The following AXDND1 variants were observed in gnomAD, a reference collection of about 807,000 sequenced individuals.
AXDND1 encodes axonemal dynein light chain domain containing 1, also known as axonemal dynein light chain domain-containing protein 1.
Under a neutral mutation model 137.5 loss-of-function variants are expected in AXDND1, and 110 were observed. That is an observed-to-expected ratio of 0.80 (90% CI 0.69 to 0.94). AXDND1 has a LOEUF of 0.94. Among genes scored for constraint, AXDND1 ranks in the 40% least tolerant of loss-of-function variants. The pLI, the probability that AXDND1 is intolerant of heterozygous loss-of-function variation, is 0.00. For missense variants in AXDND1, 1,191 were observed against 1,169.8 expected (o/e 1.02, Z -0.26); for synonymous variants, 414 against 399.7 (o/e 1.04, Z -0.43).
intron 16 of AXDND1, among the ~76,000 whole-genome samples, chr1:179,461,012 T>C (rs1662244289): frequency 6.6e-6 from 1 of 152,238 alleles, no homozygotes; most frequent in East Asian, 1.9e-4. Context: ...GCTTGTTCAC[T>C]CTGATGGTAG....
intron 2 of AXDND1, among the ~76,000 whole-genome samples, chr1:179,368,454 G>A (rs1010814033): frequency 2.0e-5 from 3 of 152,042 alleles, no homozygotes; most frequent in African/African-American, 7.2e-5. Context: ...CATATGAAAG[G>A]GAAAATAGAC....
chr1:179,389,689 C>T (rs577656064), intron 9 of AXDND1, among the ~76,000 whole-genome samples: 106 of 152,188 alleles, frequency 7.0e-4, no homozygotes, highest in African/African-American at 2.3e-3. Context: ...TGTTTTTCAT[C>T]CCTAGAGTCT....
At chr1:179,485,743 G>C (rs61826059) in intron 18 of AXDND1, among the ~76,000 whole-genome samples, 1 of 149,326 alleles carries the variant, frequency 6.7e-6, no homozygotes, top group African/African-American at 2.5e-5. Context: ...GATCATCAAC[G>C]TACAAGAAAG....
At chr1:179,367,640 G>A (rs1200242691) in intron 2 of AXDND1, among the ~76,000 whole-genome samples, 1 of 152,148 alleles carries the variant, frequency 6.6e-6, no homozygotes, top group East Asian at 1.9e-4. Flanking sequence ...GGCAGGCTGA[G>A]GCAGGAGAAT....
chr1:179,490,065 T>C (rs1189193944), intron 18 of AXDND1, among the ~76,000 whole-genome samples: 1 of 152,170 alleles, frequency 6.6e-6, no homozygotes, highest in Non-Finnish European at 1.5e-5. Context: ...ATTTTATTTT[T>C]ATTCATTCAT....
intron 16 of AXDND1, chr1:179,449,246 A>C (rs530876989): frequency 2.5e-5 from 10 of 396,718 alleles, no homozygotes; most frequent in Middle Eastern, 3.6e-4. Flanking sequence ...TTGCATGTGG[A>C]TGTTCAGTTG....
At chr1:179,411,519 G>A (rs1389241344) in intron 12 of AXDND1, among the ~76,000 whole-genome samples, 1 of 151,490 alleles carries the variant, frequency 6.6e-6, no homozygotes, top group African/African-American at 2.4e-5. Context: ...CTGTTTTGCA[G>A]TTTTCAATAA....
chr1:179,405,338 T>A (rs961536749), intron 11 of AXDND1, among the ~76,000 whole-genome samples: 7 of 152,220 alleles, frequency 4.6e-5, no homozygotes, highest in African/African-American at 1.7e-4. Flanking sequence ...ACATTTGGGT[T>A]GGTTCCAAAT....
chr1:179,550,745 T>C lies in AXDND1; in HGVS notation c.3032-3767T>C, dbSNP rs1060775. On this transcript the variant is annotated intron_variant, in intron 25 of 25. Transcript: ENST00000367618. ...ATCATTGGAGAGAAGACTGCATCTTTGGGACAGAAGAGCAATAGAGTGTGA... is the reference window on the plus strand; with the variant it reads ...ATCATTGGAGAGAAGACTGCATCTTCGGGACAGAAGAGCAATAGAGTGTGA... 0.91 allele frequency: 200,658 copies of C among 220,034 alleles called. 91,734 individuals are homozygous for C. Among genetic ancestry groups the C allele is most frequent in the East Asian group, 0.96 (9,110 of 9,448 alleles). The allele number at this position is 220,034 out of a possible 1,614,324, so 13.6% of individuals were successfully genotyped here. A position where few individuals can be genotyped will look rare whatever the true frequency, so the allele number is the denominator to read the frequency against.
intron 16 of AXDND1, among the ~76,000 whole-genome samples, chr1:179,462,448 C>A (rs976270684): frequency 6.6e-6 from 1 of 151,962 alleles, no homozygotes; most frequent in Non-Finnish European, 1.5e-5. Context: ...TTCGGTTTGC[C>A]AGTATTTTAT....
chr1:179,462,432 G>A (rs1662477748), intron 16 of AXDND1, among the ~76,000 whole-genome samples: 1 of 152,180 alleles, frequency 6.6e-6, no homozygotes, highest in Non-Finnish European at 1.5e-5. Context: ...TTGATGTGCT[G>A]CTGGATTCGG....
intron 9 of AXDND1, among the ~76,000 whole-genome samples, chr1:179,391,004 C>T (rs1188726842): frequency 6.6e-6 from 1 of 151,908 alleles, no homozygotes; most frequent in South Asian, 2.1e-4. Context: ...TAGGGTTTAT[C>T]CATGTTGGTC....
At chr1:179,383,728 T>A (rs1329009718) in intron 8 of AXDND1, among the ~76,000 whole-genome samples, 184 bp downstream of exon 8, 1 of 152,162 alleles carries the variant, frequency 6.6e-6, no homozygotes, top group African/African-American at 2.4e-5. Flanking sequence ...CCTCATAGGG[T>A]TTTTGTGGAG....
At chr1:179,552,956 GT>G (rs1673541314) in intron 25 of AXDND1, among the ~76,000 whole-genome samples, 1 of 152,200 alleles carries the variant, frequency 6.6e-6, no homozygotes, top group Non-Finnish European at 1.5e-5. Context: ...GCTGTGCTCA[GT>G]TTTTCCGCTT....
chr1:179,468,299 G>A (rs933532942), intron 16 of AXDND1, 144 bp from the exon 17 acceptor site: 1 of 573,816 alleles, frequency 1.7e-6, no homozygotes, highest in Non-Finnish European at 3.0e-6. Context: ...ACTGCTTTTT[G>A]TAAGGTTCTC....
chr1:179,426,023 G>C (rs1255401312), intron 12 of AXDND1, among the ~76,000 whole-genome samples: 1 of 151,956 alleles, frequency 6.6e-6, no homozygotes, highest in East Asian at 1.9e-4. Flanking sequence ...TTTTGGTAGA[G>C]ACGGGGTTTT....
chr1:179,434,433 C>T (rs1405381197), intron 15 of AXDND1, among the ~76,000 whole-genome samples: 1 of 152,158 alleles, frequency 6.6e-6, no homozygotes. Context: ...CCCTGATGAA[C>T]ATTGATGCGA....
intron 16 of AXDND1, among the ~76,000 whole-genome samples, chr1:179,460,902 GT>G (rs1222581434): frequency 2.0e-5 from 3 of 151,998 alleles, no homozygotes; most frequent in Non-Finnish European, 4.4e-5. Context: ...GGGGTTGTTT[GT>G]TTTTTTCTTG....
chr1:179,396,006 TA>T (rs1650990850), intron 11 of AXDND1, among the ~76,000 whole-genome samples: 1 of 151,764 alleles, frequency 6.6e-6, no homozygotes, highest in African/African-American at 2.4e-5. Context: ...CCATCTCTAC[TA>T]AAAATACAAA....
Sources: gnomAD v4.1 joint callset for allele counts (sites outside exome capture counted in the v4.1 genomes callset) on GRCh38, gnomAD v4.1.1 for gene constraint, MANE v1.5 for transcripts, NCBI Gene and HGNC (gene_info 2026-07-23, HGNC 2026-07-21) for gene names.